FGF20: variants seen among roughly 807,000 people sequenced by gnomAD.
FGF20 encodes the protein fibroblast growth factor 20.
A neutral mutation model predicts 16.7 loss-of-function variants in FGF20; 8 were observed. The observed-to-expected ratio is 0.48, with a 90% CI of 0.28 to 0.87. The LOEUF is 0.87. Ranked by LOEUF, FGF20 falls within the 40% of genes least tolerant of loss-of-function variation. The pLI is 0.10. For synonymous variants in FGF20, 161 were observed against 118.6 expected, an observed-to-expected ratio of 1.36 and a Z score of -2.32; for missense variants, 397 against 281.4, an observed-to-expected ratio of 1.41 and a Z score of -2.94.
At chr8:16,997,029 T>G (rs1032497749) in intron 1 of FGF20, among the ~76,000 whole-genome samples, 3 of 152,248 alleles carry the variant, frequency 2.0e-5, no homozygotes, top group Non-Finnish European at 4.4e-5. Context: ...TCATTAAATA[T>G]GATAGCCAAA....
intron 1 of FGF20, among the ~76,000 whole-genome samples, chr8:16,997,835 G>A (rs1337088292): frequency 6.6e-6 from 1 of 152,050 alleles, no homozygotes; most frequent in Admixed American, 6.6e-5. Context: ...AACATAATTG[G>A]TAGAAAATAT....
rs17515111 is a variant in FGF20, at chr8:16,996,629, T to C, written c.287-871A>G. Among the ~76,000 whole-genome samples, 1,188 of 152,330 alleles carry C rather than the reference T, an allele frequency of 7.8e-3. 11 individuals are homozygous for C. Among genetic ancestry groups the C allele is most frequent in the African/African-American group, 0.027 (1,110 of 41,582 alleles). On this transcript the variant is annotated intron_variant, in intron 1 of 2. Coordinates refer to ENST00000180166, the MANE Select transcript of FGF20 (RefSeq NM_019851.3). ...TTATCTACGATAAATCAAGTCAATC[T>C]GTTTCTAGGAGCAGCAGCATCCCTT...
At chr8:16,994,582 C>T (rs1250127012) in intron 2 of FGF20, among the ~76,000 whole-genome samples, 2 of 152,054 alleles carry the variant, frequency 1.3e-5, no homozygotes, top group African/African-American at 4.8e-5. Flanking sequence ...CTAGAAATAA[C>T]AAGTTTTACC....
rs140516545 is a variant in FGF20, at chr8:17,000,515, G to T, written c.286+1232C>A. On this transcript the variant is annotated intron_variant, in intron 1 of 2. Transcript: ENST00000180166. ...ATGGGGTGCATTCTCAAAGAACTCC[G>T]TAGCGCTACGGATTGTGGGTGACAA... Among the ~76,000 whole-genome samples the T allele has an allele frequency of 3.2e-3, 490 of 152,216 alleles. 2 individuals are homozygous for T. Among genetic ancestry groups the T allele is most frequent in the African/African-American group, 0.011 (477 of 41,528 alleles).
chr8:16,994,857 G>A (rs1689881), intron 2 of FGF20, among the ~76,000 whole-genome samples: 145,870 of 152,280 alleles, frequency 0.96, 70,171 homozygotes, highest in East Asian at 1. Flanking sequence ...AAAGCATTTA[G>A]GCAACTGTGA....
At chr8:17,000,582 T>C (rs571531711) in intron 1 of FGF20, among the ~76,000 whole-genome samples, 5 of 152,272 alleles carry the variant, frequency 3.3e-5, no homozygotes, top group African/African-American at 9.6e-5. Context: ...ATTTTTCCAA[T>C]GATGTCAAAA....
Position 17,001,872 on chromosome 8 carries a change from GC to G in FGF20, c.160del (p.Ala54LeufsTer68), listed in dbSNP as rs1403610853. ...GCCGTGCAGGTGCGCCAGCTGCGCA[GC>G]CCCCGGCCCGCCGCGCGCGCTCCGC... ...AERSARGGPG[A>X]AQLAHLHGIL... On this transcript the variant is annotated frameshift_variant, in exon 1 of 3. Coordinates refer to ENST00000180166, the MANE Select transcript of FGF20 (RefSeq NM_019851.3). LOFTEE classifies it high-confidence loss of function. 4.9e-6 allele frequency: 7 copies of G among 1,439,200 alleles called. No individual in the cohort carries two copies. The highest frequency in any genetic ancestry group is 1.5e-5 in the South Asian group (1 of 68,166). The allele number at this position is 1,439,200 out of a possible 1,614,324, so 89.2% of individuals were successfully genotyped here.
At chr8:17,000,786 C>T (rs772674109) in intron 1 of FGF20, among the ~76,000 whole-genome samples, 17 of 151,818 alleles carry the variant, frequency 1.1e-4, no homozygotes, top group Non-Finnish European at 2.2e-4. Flanking sequence ...AGAGACCCTC[C>T]CGATCTAGTA....
chr8:16,998,072 T>C (rs1810097798), intron 1 of FGF20, among the ~76,000 whole-genome samples: 1 of 152,198 alleles, frequency 6.6e-6, no homozygotes, highest in Non-Finnish European at 1.5e-5. Flanking sequence ...ATGGCTTTAA[T>C]GTCCATATAA....
At chr8:16,996,361 T>C (rs1461631782) in intron 1 of FGF20, among the ~76,000 whole-genome samples, 1 of 152,130 alleles carries the variant, frequency 6.6e-6, no homozygotes, top group African/African-American at 2.4e-5. Flanking sequence ...GGGTCTGAAT[T>C]CCAGTTCAGG....
rs745633361 is a variant in FGF20 at position 17,001,834 on chromosome 8, G to T, written c.199C>A (p.Arg67=). The change falls in exon 1 of 3, where the codon CGG becomes AGG. Residue 67 remains arginine, a synonymous_variant. Transcript: ENST00000180166. ...AAGCCGGTGCGGCAATAGAGCTGCC[G>T]GCGGCGCAGGATGCCGTGCAGGTGC... The part of the protein sequence containing the change: ...LAHLHGILRR[R]QLYCRTGFHL... 6 of 1,527,000 alleles carry T rather than the reference G, an allele frequency of 3.9e-6. No individual in the cohort carries two copies. Among genetic ancestry groups the T allele is most frequent in the South Asian group, 2.4e-5 (2 of 82,150 alleles). 94.6% of individuals were successfully genotyped at this position (1,527,000 alleles called of 1,614,324 possible). A position where few individuals can be genotyped will look rare whatever the true frequency, so the allele number is the denominator to read the frequency against.
intron 1 of FGF20, 58 bp from the exon 2 acceptor site, chr8:16,995,816 G>T: frequency 1.0e-6 from 1 of 985,092 alleles, no homozygotes; most frequent in South Asian, 1.5e-5. Context: ...ATGAGCATAT[G>T]ACTAACAAAA....
rs538541092 is a variant in FGF20, at chr8:17,002,164, C to T, written c.-132G>A. 1.1e-4 allele frequency: 96 copies of T among 895,634 alleles called. 2 individuals are homozygous for T. The African/African-American group carries it at 1.4e-3, about 13-fold the overall frequency. The allele number at this position is 895,634 out of a possible 1,614,324, so 55.5% of individuals were successfully genotyped here. The stretch of plus-strand genomic sequence containing the variant: ...AGGCCCGGTTACTCCTCTGAGGTCG[C>T]TCCGGAGGGACTTTGCACTGAAATG... On this transcript the variant is annotated 5_prime_UTR_variant, in exon 1 of 3. Coordinates refer to ENST00000180166, the MANE Select transcript of FGF20 (RefSeq NM_019851.3).
chr8:16,993,669 T>C (rs1809972849), intron 2 of FGF20, among the ~76,000 whole-genome samples: 2 of 152,168 alleles, frequency 1.3e-5, no homozygotes, highest in African/African-American at 4.8e-5. Context: ...CATTGTAATA[T>C]ATAATGAAAT....
chr8:16,998,708 G>T (rs1257894244), intron 1 of FGF20, among the ~76,000 whole-genome samples: 1 of 151,748 alleles, frequency 6.6e-6, no homozygotes, highest in South Asian at 2.1e-4. Flanking sequence ...TGGAGAATAG[G>T]GGAGAATAAA....
At chr8:16,995,811 C>T in intron 1 of FGF20, 53 bp from the exon 2 acceptor site, 1 of 1,025,262 alleles carries the variant, frequency 9.8e-7, no homozygotes, top group Non-Finnish European at 1.5e-6. Flanking sequence ...TATGCATGAG[C>T]ATATGACTAA....
Position 16,992,608 on chromosome 8 carries a change from T to C in FGF20, c.*464A>G, listed in dbSNP as rs1278403839. The C allele has an allele frequency of 2.0e-5, 3 of 152,242 alleles. No homozygotes were observed. The highest frequency in any genetic ancestry group is 7.2e-5 in the African/African-American group (3 of 41,436). 9.4% of individuals were successfully genotyped at this position (152,242 alleles called of 1,614,324 possible). On this transcript the variant is annotated 3_prime_UTR_variant, in exon 3 of 3. Coordinates refer to ENST00000180166, the MANE Select transcript of FGF20 (RefSeq NM_019851.3). ...TTTCACCCAGGTGTTGTTTAGTTTT[T>C]TTTTTTCTTAAAACATATAATGCCA...
At chr8:16,996,105 T>C (rs1452336815) in intron 1 of FGF20, among the ~76,000 whole-genome samples, 4 of 152,066 alleles carry the variant, frequency 2.6e-5, no homozygotes, top group African/African-American at 9.7e-5. Context: ...AATGGGGTGG[T>C]AGCCTGGGAT....
At chr8:16,999,201 A>C (rs1810126938) in intron 1 of FGF20, among the ~76,000 whole-genome samples, 1 of 152,172 alleles carries the variant, frequency 6.6e-6, no homozygotes, top group Non-Finnish European at 1.5e-5. Context: ...CCTTTTGTTT[A>C]ACAGTATTTT....
Sources: gnomAD v4.1 joint callset for allele counts (sites outside exome capture counted in the v4.1 genomes callset) on GRCh38, gnomAD v4.1.1 for gene constraint, MANE v1.5 for transcripts, NCBI Gene and HGNC (gene_info 2026-07-23, HGNC 2026-07-21) for gene names.